The following HERC3 variants were observed in gnomAD, a reference collection of about 807,000 sequenced individuals.
HERC3 encodes the protein probable E3 ubiquitin-protein ligase HERC3.
HERC3 carries 58 observed loss-of-function variants against 129.9 expected under a neutral mutation model. The observed-to-expected ratio is 0.45, with a 90% confidence interval of 0.36 to 0.56. The LOEUF (loss-of-function observed/expected upper bound fraction) is 0.56. Ranked by LOEUF, HERC3 falls within the 20% of genes least tolerant of loss-of-function variation. HERC3 has a pLI of 0.00. For synonymous variants in HERC3, 430 were observed against 451.0 expected, an observed-to-expected ratio of 0.95 and a Z score of 0.59; for missense variants, 835 against 1,244.2, an observed-to-expected ratio of 0.67 and a Z score of 4.95.
intron 23 of HERC3, among the ~76,000 whole-genome samples, chr4:88,702,999 A>T (rs1008892782): frequency 2.0e-5 from 3 of 152,206 alleles, no homozygotes; most frequent in Non-Finnish European, 4.4e-5. Flanking sequence ...CCAGCCTGCT[A>T]TAAGTCAGAC....
chr4:88,591,662 G>T (rs1169316283), upstream of HERC3, among the ~76,000 whole-genome samples: 1 of 152,162 alleles, frequency 6.6e-6, no homozygotes, highest in Non-Finnish European at 1.5e-5. Context: ...ATCAGATCAG[G>T]TCTAGGGCAA....
intron 23 of HERC3, among the ~76,000 whole-genome samples, chr4:88,698,052 T>C (rs1734855463): frequency 6.6e-6 from 1 of 152,166 alleles, no homozygotes; most frequent in African/African-American, 2.4e-5. Context: ...TACCCACCCC[T>C]GTAGAGCTGG....
intron 3 of HERC3, among the ~76,000 whole-genome samples, chr4:88,630,997 T>A (rs911150722): frequency 6.6e-6 from 1 of 152,238 alleles, no homozygotes; most frequent in Non-Finnish European, 1.5e-5. Flanking sequence ...TATTATTGAC[T>A]TCGTCAGTAT....
chr4:88,701,686 C>T (rs1220199833), intron 23 of HERC3, among the ~76,000 whole-genome samples: 1 of 152,128 alleles, frequency 6.6e-6, no homozygotes, highest in African/African-American at 2.4e-5. Context: ...TGTACATACC[C>T]TTAATTCCAT....
chr4:88,576,689 C>T, the HERC3 span, among the ~76,000 whole-genome samples: 1 of 152,060 alleles, frequency 6.6e-6, no homozygotes, highest in Non-Finnish European at 1.5e-5. Context: ...TAATCAAGGC[C>T]TCTGCTATTT....
chr4:88,666,060 C>T (rs1578273271), intron 12 of HERC3, among the ~76,000 whole-genome samples: 1 of 152,196 alleles, frequency 6.6e-6, no homozygotes, highest in Admixed American at 6.5e-5. Context: ...AGCAAAGAAT[C>T]CTCTGGTCCC....
the HERC3 span, among the ~76,000 whole-genome samples, chr4:88,543,713 A>C: frequency 2.6e-5 from 4 of 152,240 alleles, no homozygotes; most frequent in African/African-American, 9.6e-5. Context: ...TACTGGCACC[A>C]AAACAGATAT....
chr4:88,640,994 G>T (rs2149256620), intron 3 of HERC3, among the ~76,000 whole-genome samples: 1 of 152,214 alleles, frequency 6.6e-6, no homozygotes, highest in Admixed American at 6.5e-5. Flanking sequence ...CTATCCAACA[G>T]CAGAATACAC....
the HERC3 span, chr4:88,527,983 G>GC: frequency 3.6e-6 from 1 of 276,018 alleles, no homozygotes; most frequent in Non-Finnish European, 7.3e-6. Flanking sequence ...CGGATAGCAA[G>GC]CATCTTGCCC....
At chr4:88,525,531 A>G in the HERC3 span, among the ~76,000 whole-genome samples, 1 of 152,236 alleles carries the variant, frequency 6.6e-6, no homozygotes, top group Non-Finnish European at 1.5e-5. Flanking sequence ...ACAGATCTCT[A>G]TCAACTGGGT....
At chr4:88,581,331 G>A in the HERC3 span, among the ~76,000 whole-genome samples, 2 of 150,432 alleles carry the variant, frequency 1.3e-5, no homozygotes, top group African/African-American at 2.4e-5. Flanking sequence ...ACGGAGTTTC[G>A]CTCTTGTTGC....
intron 3 of HERC3, among the ~76,000 whole-genome samples, chr4:88,634,209 A>G (rs1307825385): frequency 6.6e-6 from 1 of 152,168 alleles, no homozygotes; most frequent in Non-Finnish European, 1.5e-5. Flanking sequence ...TTTTCCACGG[A>G]ACTGTGCAAC....
chr4:88,673,087 A>G (rs1029096892), intron 16 of HERC3, among the ~76,000 whole-genome samples: 5 of 152,338 alleles, frequency 3.3e-5, no homozygotes, highest in South Asian at 4.1e-4. Context: ...TAAAAACCAA[A>G]TAGCACAGAG....
chr4:88,654,158 T>C (rs745937743), intron 7 of HERC3, 25 bp downstream of exon 7: 1 of 1,521,900 alleles, frequency 6.6e-7, no homozygotes. Flanking sequence ...GTATTTTACT[T>C]TGGTGCTGGG....
At chr4:88,603,399 G>A (rs1164567156) in intron 2 of HERC3, among the ~76,000 whole-genome samples, 5 of 151,948 alleles carry the variant, frequency 3.3e-5, no homozygotes, top group Non-Finnish European at 5.9e-5. Context: ...GTAGAGATGC[G>A]GTTTCACCAT....
At chr4:88,555,551 T>G in the HERC3 span, among the ~76,000 whole-genome samples, 1 of 151,764 alleles carries the variant, frequency 6.6e-6, no homozygotes, top group Admixed American at 6.5e-5. Context: ...TATGTTGTTT[T>G]TATGGCTAAT....
intron 23 of HERC3, among the ~76,000 whole-genome samples, chr4:88,699,958 C>G (rs571746497): frequency 1.3e-5 from 2 of 152,108 alleles, no homozygotes; most frequent in Non-Finnish European, 2.9e-5. Context: ...AAATAGTCCC[C>G]TAAAAGTCCG....
intron 11 of HERC3, among the ~76,000 whole-genome samples, 186 bp downstream of exon 11, chr4:88,662,741 GATGGAT>G (rs1023819043): frequency 6.6e-6 from 1 of 152,024 alleles, no homozygotes; most frequent in African/African-American, 2.4e-5. Flanking sequence ...TAGCATAATG[GATGGAT>G]CCCCAATTCT....
chr4:88,551,853 T>C, the HERC3 span, among the ~76,000 whole-genome samples: 2 of 152,180 alleles, frequency 1.3e-5, no homozygotes, highest in East Asian at 3.8e-4. Flanking sequence ...ATTGCGGCAC[T>C]ATTCACAATA....
Sources: gnomAD v4.1 joint callset for allele counts (sites outside exome capture counted in the v4.1 genomes callset) on GRCh38, gnomAD v4.1.1 for gene constraint, MANE v1.5 for transcripts, NCBI Gene and HGNC (gene_info 2026-07-23, HGNC 2026-07-21) for gene names.